MGAT4A: variants seen among roughly 807,000 people sequenced by gnomAD.
MGAT4A encodes the protein N-acetylglucosaminyltransferase IVa.
MGAT4A carries 33 observed loss-of-function variants against 74.1 expected under a neutral mutation model. The observed-to-expected ratio is 0.45, with a 90% CI of 0.34 to 0.60. The LOEUF is 0.60. Ranked by LOEUF, MGAT4A falls within the 20% of genes least tolerant of loss-of-function variation. The pLI, the probability that MGAT4A is intolerant of heterozygous loss-of-function variation, is 0.02. For synonymous variants in MGAT4A, 198 were observed against 210.4 expected (o/e 0.94, Z 0.51); for missense variants, 479 against 628.3 (o/e 0.76, Z 2.54).
At chr2:98,647,416 G>T (rs1701505826) in intron 8 of MGAT4A, among the ~76,000 whole-genome samples, 1 of 152,168 alleles carries the variant, frequency 6.6e-6, no homozygotes, top group South Asian at 2.1e-4. Flanking sequence ...TTGGGTTCAA[G>T]TGATTCTCCT....
chr2:98,672,438 A>C (rs753592495), intron 4 of MGAT4A, among the ~76,000 whole-genome samples: 5 of 152,216 alleles, frequency 3.3e-5, no homozygotes, highest in Non-Finnish European at 7.3e-5. Flanking sequence ...AAATACTTCA[A>C]GAATTATCTG....
intron 2 of MGAT4A, among the ~76,000 whole-genome samples, chr2:98,708,339 T>C (rs1702469170): frequency 6.6e-6 from 1 of 152,112 alleles, no homozygotes; most frequent in Non-Finnish European, 1.5e-5. Flanking sequence ...ATTAATGAGA[T>C]TTACTAATTA....
chr2:98,627,556 A>C (rs1325276567), intron 14 of MGAT4A, among the ~76,000 whole-genome samples: 2 of 152,102 alleles, frequency 1.3e-5, no homozygotes, highest in Non-Finnish European at 2.9e-5. Context: ...TTGTATCTTT[A>C]TTAGAGACGG....
chr2:98,662,157 A>G (rs1053712768), intron 5 of MGAT4A, among the ~76,000 whole-genome samples: 2 of 152,340 alleles, frequency 1.3e-5, no homozygotes, highest in South Asian at 2.1e-4. Flanking sequence ...GTTGAGTATT[A>G]TATCAGTGTT....
At chr2:98,651,100 A>G (rs1207105159) in intron 8 of MGAT4A, among the ~76,000 whole-genome samples, 1 of 143,788 alleles carries the variant, frequency 7.0e-6, no homozygotes, top group Non-Finnish European at 1.5e-5. Context: ...AGAAATTAAG[A>G]CTTTCCCAGA....
At chr2:98,667,845 G>A (rs561250079) in intron 4 of MGAT4A, among the ~76,000 whole-genome samples, 11 of 152,038 alleles carry the variant, frequency 7.2e-5, no homozygotes, top group Admixed American at 1.3e-4. Context: ...TCAGCCTCCC[G>A]AGTAGCTGGG....
At chr2:98,715,477 A>T (rs1334135705) in intron 2 of MGAT4A, among the ~76,000 whole-genome samples, 1 of 152,172 alleles carries the variant, frequency 6.6e-6, no homozygotes. Flanking sequence ...ATAAAAAAAG[A>T]ACGAGATCAT....
At chr2:98,653,049 G>A (rs1575252029) in intron 8 of MGAT4A, among the ~76,000 whole-genome samples, 1 of 150,638 alleles carries the variant, frequency 6.6e-6, no homozygotes, top group Admixed American at 6.6e-5. Context: ...TAAACAACTC[G>A]CCCCTAAACA....
At chr2:98,711,445 C>T (rs1204054886) in intron 2 of MGAT4A, among the ~76,000 whole-genome samples, 1 of 151,208 alleles carries the variant, frequency 6.6e-6, no homozygotes, top group Non-Finnish European at 1.5e-5. Flanking sequence ...TTCTAAAATC[C>T]CAGAAAGGTA....
chr2:98,648,575 C>T (rs779076183), intron 8 of MGAT4A, among the ~76,000 whole-genome samples: 2 of 151,424 alleles, frequency 1.3e-5, no homozygotes, highest in African/African-American at 2.4e-5. Flanking sequence ...AAAAATTAGC[C>T]AGGCATGGTG....
At chr2:98,697,340 T>A (rs768268529) in intron 2 of MGAT4A, among the ~76,000 whole-genome samples, 25 of 152,160 alleles carry the variant, frequency 1.6e-4, no homozygotes, top group Non-Finnish European at 3.5e-4. Context: ...ATTTCCAAAA[T>A]GACAAAGTTA....
At chr2:98,627,181 G>A (rs1474484233) in intron 14 of MGAT4A, among the ~76,000 whole-genome samples, 1 of 152,184 alleles carries the variant, frequency 6.6e-6, no homozygotes, top group African/African-American at 2.4e-5. Flanking sequence ...GTGTGGGATG[G>A]AGATCTTGCT....
chr2:98,667,083 C>T (rs1701842155), intron 4 of MGAT4A, among the ~76,000 whole-genome samples: 1 of 146,912 alleles, frequency 6.8e-6, no homozygotes, highest in Admixed American at 6.9e-5. Flanking sequence ...AGAGGAGTTC[C>T]CCTGCACAAG....
chr2:98,664,069 T>C (rs765254940), intron 4 of MGAT4A, among the ~76,000 whole-genome samples: 2 of 151,798 alleles, frequency 1.3e-5, no homozygotes, highest in Non-Finnish European at 2.9e-5. Context: ...TATCTGGGCA[T>C]GGTGGCGCAC....
Position 98,625,532 on chromosome 2 carries a change from T to C in MGAT4A, c.*34A>G, listed in dbSNP as rs2104208717. On this transcript the variant is annotated 3_prime_UTR_variant, in exon 16 of 16. Coordinates refer to ENST00000393487, the MANE Select transcript of MGAT4A (RefSeq NM_012214.3). The stretch of plus-strand genomic sequence containing the variant: ...TGCTTAACTATCTTTAATTAACAAA[T>C]TCACAGGAAAAAATGTGTTGGTTTC... The C allele has an allele frequency of 1.2e-6, 2 of 1,601,458 alleles. No homozygotes were observed. Among genetic ancestry groups the C allele is most frequent in the Non-Finnish European group, 1.7e-6 (2 of 1,177,094 alleles).
chr2:98,698,920 A>G (rs746363683), intron 2 of MGAT4A, among the ~76,000 whole-genome samples: 22 of 152,160 alleles, frequency 1.4e-4, no homozygotes, highest in Non-Finnish European at 2.9e-4. Context: ...TTATATCAAC[A>G]CAAACTGTAC....
rs1701127012 is a variant in MGAT4A at position 98,625,214 on chromosome 2, T to G, written c.*352A>C. 5 of 879,688 alleles carry G rather than the reference T, an allele frequency of 5.7e-6. No individual in the cohort carries two copies. Among genetic ancestry groups the G allele is most frequent in the Non-Finnish European group, 6.8e-6 (5 of 730,260 alleles). The allele number at this position is 879,688 out of a possible 1,614,324, so 54.5% of individuals were successfully genotyped here. A position where few individuals can be genotyped will look rare whatever the true frequency, so the allele number is the denominator to read the frequency against. ...TCTATAATAGTAAAATAAGTGAACC[T>G]CAAAAGTACCCCCTTCATAAAATGT... is the stretch of plus-strand genomic sequence containing the variant. On this transcript the variant is annotated 3_prime_UTR_variant, in exon 16 of 16. Transcript: ENST00000393487.
At chr2:98,676,256 C>A (rs188037150) in intron 3 of MGAT4A, among the ~76,000 whole-genome samples, 2 of 151,934 alleles carry the variant, frequency 1.3e-5, no homozygotes, top group African/African-American at 2.4e-5. Flanking sequence ...TAATCTCATG[C>A]GTAAAGAAAC....
chr2:98,672,082 A>C (rs1388516147), intron 4 of MGAT4A, among the ~76,000 whole-genome samples: 2 of 151,980 alleles, frequency 1.3e-5, no homozygotes, highest in African/African-American at 4.8e-5. Context: ...GTTTAAACAC[A>C]GTGAGTTTGT....
Sources: allele counts gnomAD v4.1 joint callset (sites outside exome capture counted in the v4.1 genomes callset), GRCh38; gene constraint gnomAD v4.1.1; transcripts MANE v1.5; gene names NCBI Gene and HGNC (gene_info 2026-07-23, HGNC 2026-07-21).